Variants in TAF4B observed in about 807,000 individuals in gnomAD.
The protein encoded by TAF4B is TATA-box binding protein associated factor 4b.
A neutral mutation model predicts 86.4 loss-of-function variants in TAF4B; 38 were observed. The ratio of observed to expected loss-of-function variants is 0.44; its 90% confidence interval spans 0.34 to 0.58. The LOEUF is 0.58. TAF4B is among the 20% of genes least tolerant of loss of function. The pLI, the probability that TAF4B is intolerant of heterozygous loss-of-function variation, is 0.02. For missense variants in TAF4B, 988 were observed against 1,027.6 expected (o/e 0.96, Z 0.53); for synonymous variants, 388 against 391.2 (o/e 0.99, Z 0.10).
intron 1 of TAF4B, among the ~76,000 whole-genome samples, chr18:26,261,889 A>T (rs1284250416): frequency 6.6e-6 from 1 of 152,168 alleles, no homozygotes; most frequent in Non-Finnish European, 1.5e-5. Context: ...TTTAACGTAA[A>T]GACATTTCAT....
At position 26,240,885 on chromosome 18, in the gene TAF4B, G is replaced by A. The variant is rs144196908; in HGVS notation, c.343+13609G>A. Among the ~76,000 whole-genome samples, 305 of 152,220 alleles carry A rather than the reference G, an allele frequency of 2.0e-3. 2 individuals carry two copies. The highest frequency in any genetic ancestry group is 7.1e-3 in the African/African-American group (294 of 41,536). ...TGGTTCTGTTTATATACTGGATTAC[G>A]TTTATTGATTTTCATATGTTGAACC... On this transcript the variant is annotated intron_variant, in intron 1 of 14. Coordinates refer to ENST00000269142, the MANE Select transcript of TAF4B (RefSeq NM_005640.3).
intron 9 of TAF4B, among the ~76,000 whole-genome samples, chr18:26,307,998 C>T (rs1268043277): frequency 6.6e-6 from 1 of 152,070 alleles, no homozygotes; most frequent in Non-Finnish European, 1.5e-5. Flanking sequence ...GTCCCAGCTA[C>T]TTGGGAGGCT....
intron 5 of TAF4B, among the ~76,000 whole-genome samples, chr18:26,281,502 G>A (rs2056449074): frequency 6.6e-6 from 1 of 152,148 alleles, no homozygotes; most frequent in Non-Finnish European, 1.5e-5. Flanking sequence ...TATTTTGGAA[G>A]TACTTCTACT....
intron 13 of TAF4B, among the ~76,000 whole-genome samples, chr18:26,347,991 C>T (rs1348420215): frequency 2.0e-5 from 3 of 152,168 alleles, no homozygotes; most frequent in Admixed American, 6.5e-5. Flanking sequence ...ACACTCCATT[C>T]TTAACATTGG....
At chr18:26,333,320 A>G (rs1252103712) in intron 12 of TAF4B, among the ~76,000 whole-genome samples, 1 of 150,144 alleles carries the variant, frequency 6.7e-6, no homozygotes, top group Admixed American at 6.6e-5. Flanking sequence ...TCCCAGGTTC[A>G]AACGATTCTT....
At chr18:26,304,157 A>G (rs1049294179) in intron 9 of TAF4B, among the ~76,000 whole-genome samples, 2 of 138,398 alleles carry the variant, frequency 1.4e-5, no homozygotes, top group Non-Finnish European at 3.1e-5. Flanking sequence ...GATTAGAATT[A>G]TAGGTCGACT....
chr18:26,260,280 G>T (rs1251158459), intron 1 of TAF4B, among the ~76,000 whole-genome samples: 2 of 152,192 alleles, frequency 1.3e-5, no homozygotes, highest in East Asian at 3.8e-4. Flanking sequence ...AAGCTCTTTA[G>T]TTTAATAAGA....
intron 3 of TAF4B, among the ~76,000 whole-genome samples, chr18:26,271,327 T>C (rs1371828471): frequency 1.3e-5 from 2 of 152,218 alleles, no homozygotes; most frequent in Admixed American, 1.3e-4. Flanking sequence ...CATTGTTAGA[T>C]TGGAATCTAA....
intron 6 of TAF4B, among the ~76,000 whole-genome samples, chr18:26,283,779 G>T (rs2056477690): frequency 6.6e-6 from 1 of 152,130 alleles, no homozygotes; most frequent in South Asian, 2.1e-4. Flanking sequence ...GGCCAGGCGT[G>T]GTGGCTCACG....
At chr18:26,370,519 T>G (rs1030318206) in intron 14 of TAF4B, among the ~76,000 whole-genome samples, 1 of 152,184 alleles carries the variant, frequency 6.6e-6, no homozygotes, top group African/African-American at 2.4e-5. Flanking sequence ...TGTATTGACT[T>G]CCCTTAAGGA....
At position 26,309,526 on chromosome 18, in the gene TAF4B, T is replaced by C. The variant is rs917067197; in HGVS notation, c.1833-5703T>C. On this transcript the variant is annotated intron_variant, in intron 9 of 14. Transcript: ENST00000269142. ...TCTGAGTAACAGATCCCATTCAAAATGCAAGAGGACCCGTGGATTTTAAAA... is the reference window on the plus strand; with the variant it reads ...TCTGAGTAACAGATCCCATTCAAAACGCAAGAGGACCCGTGGATTTTAAAA... 2.0e-5 allele frequency among the ~76,000 whole-genome samples: 3 copies of C among 152,148 alleles called. No individual in the cohort carries two copies. The East Asian group carries it at 5.8e-4, about 29-fold the overall frequency.
In TAF4B at chr18:26,234,113, C is replaced by T. The variant is rs531111016; in HGVS notation, c.343+6837C>T. On this transcript the variant is annotated intron_variant, in intron 1 of 14. Coordinates refer to ENST00000269142, the MANE Select transcript of TAF4B (RefSeq NM_005640.3). ...CCCCGAGGGGAGAAAAATATGCCCC[C>T]GTGAAAGTCCCCATTCTGTTTCAGT... Among the ~76,000 whole-genome samples, 19 of 147,506 alleles carry T rather than the reference C, an allele frequency of 1.3e-4. No homozygotes were observed. The South Asian group carries it at 1.9e-3, about 15-fold the overall frequency.
chr18:26,336,438 A>T lies in TAF4B; in HGVS notation c.2316+1207A>T, dbSNP rs554717505. On this transcript the variant is annotated intron_variant, in intron 13 of 14. Coordinates refer to ENST00000269142, the MANE Select transcript of TAF4B (RefSeq NM_005640.3). ...CAAGTGGAAATCTAGTAAGATTCTT[A>T]CAATCAATGTGGTGTGTTTTCATTA... is the stretch of plus-strand genomic sequence containing the variant. Among the ~76,000 whole-genome samples, 9 of 152,322 alleles carry T rather than the reference A, an allele frequency of 5.9e-5. No individual in the cohort carries two copies. In the South Asian group the frequency reaches 1.7e-3, roughly 28 times the overall value.
chr18:26,288,737 C>T (rs921772539), intron 7 of TAF4B, among the ~76,000 whole-genome samples: 1 of 152,132 alleles, frequency 6.6e-6, no homozygotes, highest in African/African-American at 2.4e-5. Flanking sequence ...TTAGAAAGAA[C>T]TTCTAGGTTT....
chr18:26,259,507 C>T (rs1190709597), intron 1 of TAF4B, among the ~76,000 whole-genome samples: 2 of 146,290 alleles, frequency 1.4e-5, no homozygotes, highest in Non-Finnish European at 3.0e-5. Context: ...TTGTTCAATT[C>T]CCACCTATGA....
intron 9 of TAF4B, among the ~76,000 whole-genome samples, chr18:26,307,196 A>G (rs2056804223): frequency 1.3e-5 from 2 of 152,162 alleles, no homozygotes; most frequent in South Asian, 4.1e-4. Flanking sequence ...GTCTTGACCA[A>G]ACTGTATGAC....
At chr18:26,344,602 C>T (rs1312385341) in intron 13 of TAF4B, among the ~76,000 whole-genome samples, 1 of 152,160 alleles carries the variant, frequency 6.6e-6, no homozygotes, top group Non-Finnish European at 1.5e-5. Flanking sequence ...GGAAGCTGAA[C>T]TTCAGGAATG....
intron 13 of TAF4B, 47 bp downstream of exon 13, chr18:26,335,278 T>C (rs1399881703): frequency 6.5e-7 from 1 of 1,535,188 alleles, no homozygotes; most frequent in Admixed American, 1.7e-5. Flanking sequence ...TGAGGGAAGG[T>C]TGGCAGCTCT....
intron 14 of TAF4B, among the ~76,000 whole-genome samples, chr18:26,378,648 A>G (rs914968781): frequency 6.6e-6 from 1 of 152,208 alleles, no homozygotes; most frequent in African/African-American, 2.4e-5. Context: ...TGTAACCACT[A>G]TCCCAGATAA....
Sources: gnomAD v4.1 joint callset for allele counts (sites outside exome capture counted in the v4.1 genomes callset) on GRCh38, gnomAD v4.1.1 for gene constraint, MANE v1.5 for transcripts, NCBI Gene and HGNC (gene_info 2026-07-23, HGNC 2026-07-21) for gene names.